The following FAM13B variants were observed in gnomAD, a reference collection of about 807,000 sequenced individuals.
FAM13B encodes protein FAM13B.
A neutral mutation model predicts 117.3 loss-of-function variants in FAM13B; 60 were observed. The observed-to-expected ratio is 0.51, with a 90% CI of 0.42 to 0.63. The LOEUF (loss-of-function observed/expected upper bound fraction) is 0.63, where lower values mean the gene tolerates loss of function less well. Ranked by LOEUF, FAM13B falls within the 30% of genes least tolerant of loss-of-function variation. FAM13B has a pLI of 0.00. For synonymous variants in FAM13B, 332 were observed against 356.1 expected (o/e 0.93, Z 0.76); for missense variants, 972 against 1,091.9 (o/e 0.89, Z 1.55).
intron 1 of FAM13B, among the ~76,000 whole-genome samples, chr5:138,041,078 A>G (rs1004933903): frequency 4.0e-5 from 6 of 151,538 alleles, no homozygotes; most frequent in African/African-American, 7.3e-5. Context: ...AAAAAAAAAA[A>G]AAAGAAAAGA....
chr5:138,002,642 A>T (rs1368834836), intron 7 of FAM13B, among the ~76,000 whole-genome samples: 1 of 150,666 alleles, frequency 6.6e-6, no homozygotes, highest in Admixed American at 6.7e-5. Context: ...TGAAAGGCTG[A>T]TCAAACAAAT....
At chr5:137,987,735 A>G in intron 8 of FAM13B, 119 bp from the exon 9 acceptor site, 2 of 834,324 alleles carry the variant, frequency 2.4e-6, no homozygotes, top group Non-Finnish European at 3.5e-6. Flanking sequence ...TGGGTAAACC[A>G]AAGTGTAAAA....
intron 1 of FAM13B, among the ~76,000 whole-genome samples, chr5:138,027,714 G>A (rs867356477): frequency 5.9e-5 from 9 of 152,328 alleles, no homozygotes; most frequent in South Asian, 2.1e-4. Context: ...TCAGTGATAC[G>A]GTTTGGCTCT....
At chr5:137,962,345 A>T in intron 11 of FAM13B, 60 bp downstream of exon 11, 1 of 1,483,306 alleles carries the variant, frequency 6.7e-7, no homozygotes, top group Non-Finnish European at 9.3e-7. Flanking sequence ...ATCACCTCAA[A>T]AATCTGTGAA....
rs1252505638 is a variant in FAM13B at position 137,951,234 on chromosome 5, G to GGA, written c.1930+1392_1930+1393dup. On this transcript the variant is annotated intron_variant, in intron 17 of 23. Transcript: ENST00000689681. Reference sequence around the variant, plus strand: ...CAAAAAAAAAAAAAAAAAAAAAAAAGGAGAGAGAGAGAGGCAAACATTATC... The same window carrying GGA: ...CAAAAAAAAAAAAAAAAAAAAAAAAGGAGAGAGAGAGAGAGGCAAACATTATC... Among the ~76,000 whole-genome samples the GGA allele has an allele frequency of 6.9e-4, 63 of 91,486 alleles. No individual in the cohort carries two copies. In the South Asian group the frequency reaches 0.017, roughly 24 times the overall value. The allele number at this position is 91,486 out of a possible 152,430, so 60.0% of individuals were successfully genotyped here.
intron 1 of FAM13B, 81 bp downstream of exon 1, chr5:138,032,701 T>G (rs1581316582): frequency 1.0e-6 from 1 of 984,548 alleles, no homozygotes; most frequent in South Asian, 4.7e-5. Context: ...CAGGCGGCGC[T>G]GGGGGGCAAC....
At position 137,961,314 on chromosome 5, in the gene FAM13B, A is replaced by AAAC. The variant is rs56832242; in HGVS notation, c.1244+1088_1244+1090dup. On this transcript the variant is annotated intron_variant, in intron 11 of 23. Coordinates refer to ENST00000689681, the MANE Select transcript of FAM13B (RefSeq NM_001385994.1). ...TTGAAGAGGAGAGAGCTTTTTCCAA[A>AAAC]AACAACAACAACAACAACAACAACA... 8.1e-3 allele frequency among the ~76,000 whole-genome samples: 1,225 copies of AAAC among 151,272 alleles called. 16 individuals carry two copies. Among genetic ancestry groups the AAAC allele is most frequent in the Middle Eastern group, 0.024 (7 of 288 alleles).
chr5:137,997,560 T>C (rs1341601462), intron 7 of FAM13B, among the ~76,000 whole-genome samples: 4 of 151,990 alleles, frequency 2.6e-5, no homozygotes, highest in Non-Finnish European at 5.9e-5. Context: ...GAGATTTCCA[T>C]GGACTTCATG....
In FAM13B at chr5:137,948,984, T is replaced by C. The variant is rs778676807; in HGVS notation, c.2131A>G (p.Ile711Val). The C allele has an allele frequency of 1.9e-6, 3 of 1,613,712 alleles. No homozygotes were observed. The highest frequency in any genetic ancestry group is 4.5e-5 in the East Asian group (2 of 44,876). Residue 711 changes from isoleucine to valine, a missense_variant, in exon 18 of 24, where the codon ATT becomes GTT. Coordinates refer to ENST00000689681, the MANE Select transcript of FAM13B (RefSeq NM_001385994.1). ...LILKRLKEKR[I>V]ERCLPEDIKK... Reference sequence around the variant, plus strand: ...ATATCTTCTGGAAGACACCTCTCAATACGTTTTTCTTTCAGTCTTTTAAGA... The same window carrying C: ...ATATCTTCTGGAAGACACCTCTCAACACGTTTTTCTTTCAGTCTTTTAAGA...
chr5:137,970,791 A>C (rs1771868269), intron 10 of FAM13B, among the ~76,000 whole-genome samples: 1 of 152,148 alleles, frequency 6.6e-6, no homozygotes, highest in Admixed American at 6.5e-5. Context: ...GGAAAACAAA[A>C]AAAGGCAGGG....
At chr5:137,942,730 G>A in intron 22 of FAM13B, 145 bp downstream of exon 22, 1 of 623,906 alleles carries the variant, frequency 1.6e-6, no homozygotes, top group South Asian at 2.9e-5. Flanking sequence ...ATAAATATTT[G>A]CAAATCACAC....
intron 1 of FAM13B, among the ~76,000 whole-genome samples, chr5:138,041,724 G>T (rs1791504700): frequency 6.6e-6 from 1 of 151,344 alleles, no homozygotes; most frequent in South Asian, 2.1e-4. Context: ...ATTGCTTAAG[G>T]CCAGGAGTTT....
At chr5:138,016,221 G>C (rs537008641) in intron 4 of FAM13B, among the ~76,000 whole-genome samples, 6 of 152,146 alleles carry the variant, frequency 3.9e-5, no homozygotes, top group African/African-American at 1.4e-4. Context: ...AGAAAAGAAG[G>C]GGTAGGATTG....
intron 11 of FAM13B, 149 bp downstream of exon 11, chr5:137,962,256 T>C (rs1420540728): frequency 1.6e-6 from 1 of 644,734 alleles, no homozygotes; most frequent in Middle Eastern, 3.9e-4. Context: ...TTTAATATCC[T>C]TTATGCCTAC....
intron 7 of FAM13B, among the ~76,000 whole-genome samples, chr5:137,998,813 A>G (rs771211559): frequency 6.6e-6 from 1 of 152,188 alleles, no homozygotes; most frequent in Non-Finnish European, 1.5e-5. Context: ...ACCATATCCC[A>G]TCCCCATCAT....
At chr5:137,963,648 C>T (rs902646838) in intron 10 of FAM13B, among the ~76,000 whole-genome samples, 1 of 152,186 alleles carries the variant, frequency 6.6e-6, no homozygotes, top group Non-Finnish European at 1.5e-5. Context: ...GTGTCCCCAA[C>T]CCCTGGACCG....
intron 13 of FAM13B, among the ~76,000 whole-genome samples, chr5:137,958,727 A>C (rs1450133978): frequency 6.6e-6 from 1 of 152,168 alleles, no homozygotes; most frequent in Non-Finnish European, 1.5e-5. Flanking sequence ...TCCCACCCCC[A>C]CTCAACATTT....
intron 1 of FAM13B, among the ~76,000 whole-genome samples, chr5:138,027,821 G>A (rs551298643): frequency 2.6e-5 from 4 of 152,248 alleles, no homozygotes; most frequent in Admixed American, 6.5e-5. Flanking sequence ...TGCTGTTCTC[G>A]TGACAGTGAG....
chr5:137,972,534 CT>C (rs1438550725), intron 10 of FAM13B, among the ~76,000 whole-genome samples: 1 of 151,856 alleles, frequency 6.6e-6, no homozygotes, highest in African/African-American at 2.4e-5. Flanking sequence ...GAAGCATTCC[CT>C]TTGAAAAATG....
Sources: allele counts gnomAD v4.1 joint callset (sites outside exome capture counted in the v4.1 genomes callset), GRCh38; gene constraint gnomAD v4.1.1; transcripts MANE v1.5; gene names NCBI Gene and HGNC (gene_info 2026-07-23, HGNC 2026-07-21).